TMTC2: variants seen among roughly 807,000 people sequenced by gnomAD.
TMTC2 encodes transmembrane O-mannosyltransferase targeting cadherins 2.
Under a neutral mutation model 82.4 loss-of-function variants are expected in TMTC2, and 43 were observed. The observed-to-expected ratio is 0.52, with a 90% CI of 0.41 to 0.67. The LOEUF is 0.67. Ranked by LOEUF, TMTC2 falls within the 30% of genes least tolerant of loss-of-function variation. The pLI is 0.00. For missense variants in TMTC2, 919 were observed against 1,012.4 expected (o/e 0.91, Z 1.25); for synonymous variants, 408 against 381.9 (o/e 1.07, Z -0.80).
intron 1 of TMTC2, among the ~76,000 whole-genome samples, chr12:82,844,608 T>TG (rs1870530244): frequency 6.6e-6 from 1 of 151,788 alleles, no homozygotes; most frequent in African/African-American, 2.4e-5. Flanking sequence ...GAGACCATCC[T>TG]GGCTAACACA....
chr12:82,858,719 C>T (rs1415834044), intron 2 of TMTC2, among the ~76,000 whole-genome samples: 1 of 151,462 alleles, frequency 6.6e-6, no homozygotes, highest in East Asian at 1.9e-4. Flanking sequence ...CTAACCTTTT[C>T]ACTTAGAGTA....
intron 1 of TMTC2, among the ~76,000 whole-genome samples, chr12:82,837,355 C>T (rs1870103929): frequency 6.6e-6 from 1 of 152,044 alleles, no homozygotes; most frequent in South Asian, 2.1e-4. Context: ...CATCTGTAGT[C>T]CCGGATACTT....
chr12:82,695,983 C>A (rs552219408), intron 1 of TMTC2, among the ~76,000 whole-genome samples: 1 of 152,320 alleles, frequency 6.6e-6, no homozygotes, highest in Admixed American at 6.5e-5. Context: ...TAAAATGTCT[C>A]AAGGTAAAAT....
intron 11 of TMTC2, among the ~76,000 whole-genome samples, chr12:83,081,599 C>T (rs1023142736): frequency 6.6e-6 from 1 of 152,056 alleles, no homozygotes; most frequent in Admixed American, 6.6e-5. Flanking sequence ...AGAAAAAGTT[C>T]ATATAGTACA....
chr12:83,081,052 A>G (rs1883447478), intron 11 of TMTC2, among the ~76,000 whole-genome samples: 2 of 152,228 alleles, frequency 1.3e-5, no homozygotes, highest in East Asian at 1.9e-4. Context: ...ATGGGCTTAT[A>G]TCATGACCAA....
intron 1 of TMTC2, among the ~76,000 whole-genome samples, chr12:82,741,243 G>T (rs1429312483): frequency 1.3e-5 from 2 of 152,102 alleles, no homozygotes; most frequent in African/African-American, 4.8e-5. Context: ...TGGTTTGTTT[G>T]TTTGTTTTTT....
chr12:82,709,056 T>C (rs1873503837), intron 1 of TMTC2, among the ~76,000 whole-genome samples: 1 of 152,088 alleles, frequency 6.6e-6, no homozygotes, highest in African/African-American at 2.4e-5. Context: ...TTTGATAAAA[T>C]GTCAGTAACA....
chr12:82,841,061 T>C (rs1870309808), intron 1 of TMTC2, among the ~76,000 whole-genome samples: 1 of 152,192 alleles, frequency 6.6e-6, no homozygotes, highest in Non-Finnish European at 1.5e-5. Flanking sequence ...ATTACAGGTA[T>C]GAGCCACTAC....
intron 1 of TMTC2, among the ~76,000 whole-genome samples, chr12:82,806,414 C>T (rs11115434): frequency 0.087 from 13,299 of 152,128 alleles, 768 homozygotes; most frequent in Middle Eastern, 0.2. Context: ...CAGTATTTGG[C>T]ATTGTATTTA....
chr12:83,022,377 G>A (rs1008806533), intron 8 of TMTC2, among the ~76,000 whole-genome samples: 95 of 72,162 alleles, frequency 1.3e-3, no homozygotes, highest in Non-Finnish European at 2.0e-3. Context: ...CCCTCCCCCC[G>A]CCCCAGTTGT....
At chr12:82,695,867 A>G (rs376809220) in intron 1 of TMTC2, among the ~76,000 whole-genome samples, 20 of 152,352 alleles carry the variant, frequency 1.3e-4, no homozygotes, top group African/African-American at 3.8e-4. Flanking sequence ...AAATTAGCCT[A>G]TAGTGGTTCC....
chr12:82,859,857 C>T (rs1326867292), intron 2 of TMTC2, among the ~76,000 whole-genome samples: 1 of 152,132 alleles, frequency 6.6e-6, no homozygotes, highest in Non-Finnish European at 1.5e-5. Flanking sequence ...TGGTCGGGGG[C>T]AGCAAGACTT....
At chr12:82,754,568 C>G (rs1250525294) in intron 1 of TMTC2, among the ~76,000 whole-genome samples, 2 of 151,946 alleles carry the variant, frequency 1.3e-5, no homozygotes, top group Non-Finnish European at 2.9e-5. Context: ...AACCCTGTCT[C>G]TACTAAAACG....
chr12:82,885,583 G>A (rs1357802246), intron 2 of TMTC2, among the ~76,000 whole-genome samples: 2 of 151,546 alleles, frequency 1.3e-5, no homozygotes, highest in African/African-American at 4.9e-5. Flanking sequence ...TTGCCCAAGT[G>A]GGTCCTGAAC....
chr12:82,912,869 G>T (rs1388693730), intron 3 of TMTC2, among the ~76,000 whole-genome samples: 1 of 150,720 alleles, frequency 6.6e-6, no homozygotes, highest in African/African-American at 2.4e-5. Flanking sequence ...TCCTGGGGAG[G>T]TCGAAGCTGC....
At chr12:82,855,586 T>A (rs1376145207) in intron 1 of TMTC2, among the ~76,000 whole-genome samples, 1 of 152,174 alleles carries the variant, frequency 6.6e-6, no homozygotes, top group Non-Finnish European at 1.5e-5. Flanking sequence ...CTCATGTGTC[T>A]CTTATATGTT....
chr12:83,051,067 A>G (rs1047456987), intron 10 of TMTC2, 49 bp downstream of exon 10: 1 of 1,359,752 alleles, frequency 7.4e-7, no homozygotes, highest in Non-Finnish European at 1.0e-6. Context: ...TGAGAGGGTA[A>G]TTAATTATAC....
chr12:82,833,849 C>T (rs1484356641), intron 1 of TMTC2, among the ~76,000 whole-genome samples: 1 of 152,108 alleles, frequency 6.6e-6, no homozygotes, highest in East Asian at 1.9e-4. Flanking sequence ...ATGGTCTTCT[C>T]TTAAACAAAA....
intron 1 of TMTC2, among the ~76,000 whole-genome samples, chr12:82,731,677 A>G (rs1396472207): frequency 1.3e-5 from 2 of 152,218 alleles, no homozygotes; most frequent in Non-Finnish European, 2.9e-5. Context: ...AATATGGGAT[A>G]CAGCAAAAGC....
Sources: gnomAD v4.1 joint callset for allele counts (sites outside exome capture counted in the v4.1 genomes callset) on GRCh38, gnomAD v4.1.1 for gene constraint, MANE v1.5 for transcripts, NCBI Gene and HGNC (gene_info 2026-07-23, HGNC 2026-07-21) for gene names.